The following MALRD1 variants were observed in gnomAD, a reference collection of about 807,000 sequenced individuals.
MALRD1 encodes MAM and LDL receptor class A domain containing 1.
Under a neutral mutation model 242.1 loss-of-function variants are expected in MALRD1, and 247 were observed. The ratio of observed to expected loss-of-function variants is 1.02; its 90% CI spans 0.92 to 1.13. The LOEUF (loss-of-function observed/expected upper bound fraction) is 1.13. Among genes scored for constraint, MALRD1 ranks in the 50% most tolerant of loss-of-function variants. MALRD1 has a pLI of 0.00. For synonymous variants in MALRD1, 995 were observed against 866.6 expected (o/e 1.15, Z -2.60); for missense variants, 2,989 against 2,533.1 (o/e 1.18, Z -3.86).
chr10:19,690,229 C>T (rs1842759991), intron 36 of MALRD1, among the ~76,000 whole-genome samples: 1 of 151,988 alleles, frequency 6.6e-6, no homozygotes, highest in Non-Finnish European at 1.5e-5. Context: ...TATTTTGAAA[C>T]TGCTTTTGAC....
intron 39 of MALRD1, among the ~76,000 whole-genome samples, chr10:19,731,958 G>A (rs1331481248): frequency 2.6e-5 from 4 of 152,110 alleles, no homozygotes; most frequent in African/African-American, 7.2e-5. Context: ...TGCTGTGGCC[G>A]AAGCCTAACA....
At chr10:19,356,440 A>AT (rs1301562619) in intron 26 of MALRD1, among the ~76,000 whole-genome samples, 1 of 152,126 alleles carries the variant, frequency 6.6e-6, no homozygotes, top group Non-Finnish European at 1.5e-5. Context: ...TTACTTTTAC[A>AT]TTTTCTAATA....
chr10:19,584,068 A>T (rs1837269136), intron 33 of MALRD1, among the ~76,000 whole-genome samples: 1 of 149,724 alleles, frequency 6.7e-6, no homozygotes, highest in African/African-American at 2.5e-5. Context: ...ATCGGTGGTG[A>T]TATCCCCTTT....
intron 26 of MALRD1, among the ~76,000 whole-genome samples, chr10:19,358,253 A>G (rs1044599283): frequency 2.7e-5 from 4 of 149,764 alleles, no homozygotes; most frequent in African/African-American, 9.9e-5. Context: ...CACCACAGCT[A>G]CTTCCAAACA....
chr10:19,322,872 G>A (rs1039474697), intron 21 of MALRD1, among the ~76,000 whole-genome samples: 5 of 152,080 alleles, frequency 3.3e-5, no homozygotes, highest in Non-Finnish European at 7.4e-5. Context: ...TTTAGAAAGT[G>A]GCAAGAAATC....
intron 5 of MALRD1, among the ~76,000 whole-genome samples, chr10:19,104,557 TTAAC>T (rs1836395766): frequency 6.6e-6 from 1 of 152,142 alleles, no homozygotes; most frequent in African/African-American, 2.4e-5. Context: ...TTTGATTATA[TTAAC>T]TAATATTCTA....
rs1564567579 is a variant in MALRD1, at chr10:19,719,246, A to ATATATGTG, written c.6315-11455_6315-11454insGTGTATAT. 5.4e-4 allele frequency among the ~76,000 whole-genome samples: 72 copies of ATATATGTG among 134,420 alleles called. 3 individuals are homozygous for ATATATGTG. Among genetic ancestry groups the ATATATGTG allele is most frequent in the African/African-American group, 1.8e-3 (63 of 35,204 alleles). The allele number at this position is 134,420 out of a possible 152,430, so 88.2% of individuals were successfully genotyped here. A position where few individuals can be genotyped will look rare whatever the true frequency, so the allele number is the denominator to read the frequency against. ...TACATATATATATATATATATATAT[A>ATATATGTG]TATATATATATATGCTATCAAATAT... On this transcript the variant is annotated intron_variant, in intron 38 of 39. Coordinates refer to ENST00000454679, the MANE Select transcript of MALRD1 (RefSeq NM_001142308.3).
intron 28 of MALRD1, among the ~76,000 whole-genome samples, chr10:19,445,224 T>G (rs1834900542): frequency 6.6e-6 from 1 of 152,264 alleles, no homozygotes; most frequent in Admixed American, 6.5e-5. Flanking sequence ...TTTTTCAAGG[T>G]TTTTAGCTTC....
intron 19 of MALRD1, among the ~76,000 whole-genome samples, chr10:19,261,199 AC>A (rs1409309619): frequency 1.3e-5 from 2 of 152,200 alleles, no homozygotes; most frequent in African/African-American, 4.8e-5. Context: ...TAAAACAGCT[AC>A]TAGAAGCATA....
At chr10:19,405,535 C>A (rs761154982) in intron 28 of MALRD1, among the ~76,000 whole-genome samples, 8 of 152,084 alleles carry the variant, frequency 5.3e-5, no homozygotes, top group Non-Finnish European at 1.2e-4. Flanking sequence ...GGAGGAAAAC[C>A]ACATCTCTCT....
chr10:19,660,385 G>A (rs1451913018), intron 36 of MALRD1, among the ~76,000 whole-genome samples: 1 of 152,084 alleles, frequency 6.6e-6, no homozygotes, highest in Non-Finnish European at 1.5e-5. Context: ...TGTAGACAAA[G>A]CAGTGACCAA....
At chr10:19,574,012 T>A (rs1405853119) in intron 33 of MALRD1, among the ~76,000 whole-genome samples, 1 of 152,192 alleles carries the variant, frequency 6.6e-6, no homozygotes, top group Admixed American at 6.5e-5. Context: ...GCATCCTTTT[T>A]GTCTTGACTT....
intron 12 of MALRD1, among the ~76,000 whole-genome samples, chr10:19,161,359 C>T (rs1308522115): frequency 1.5e-4 from 7 of 46,978 alleles, no homozygotes; most frequent in African/African-American, 2.7e-4. Context: ...GTGGTGGGGT[C>T]GGGGGAGGGG....
chr10:19,122,004 A>G (rs556742171), intron 5 of MALRD1, among the ~76,000 whole-genome samples: 1 of 152,344 alleles, frequency 6.6e-6, no homozygotes, highest in African/African-American at 2.4e-5. Flanking sequence ...ATGATTGTGA[A>G]CAAAGTGAAA....
chr10:19,065,113 C>T (rs1834931773), intron 1 of MALRD1, among the ~76,000 whole-genome samples: 1 of 151,362 alleles, frequency 6.6e-6, no homozygotes, highest in African/African-American at 2.4e-5. Flanking sequence ...CATGGAGAAA[C>T]CCCGTCTCTA....
At chr10:19,171,484 A>T (rs1834935352) in intron 13 of MALRD1, among the ~76,000 whole-genome samples, 2 of 142,202 alleles carry the variant, frequency 1.4e-5, no homozygotes, top group East Asian at 4.2e-4. Context: ...ACACACACAT[A>T]TATACACACA....
At chr10:19,549,908 GT>G (rs1466452604) in intron 32 of MALRD1, among the ~76,000 whole-genome samples, 2 of 152,170 alleles carry the variant, frequency 1.3e-5, no homozygotes, top group East Asian at 3.8e-4. Flanking sequence ...TGGCTAATAG[GT>G]TAAACATTGG....
chr10:19,450,291 A>G lies in MALRD1; in HGVS notation c.4846-16A>G. Reference sequence around the variant, plus strand: ...GTGTTTGATTATTTCCCTCATACAAACTTCTTTACTTTCAGACAGAGAAAG... The same window carrying G: ...GTGTTTGATTATTTCCCTCATACAAGCTTCTTTACTTTCAGACAGAGAAAG... On this transcript the variant is annotated splice_polypyrimidine_tract_variant and intron_variant, in intron 28 of 39. Transcript: ENST00000454679. 1.3e-6 allele frequency: 2 copies of G among 1,540,090 alleles called. No individual in the cohort carries two copies. Among genetic ancestry groups the G allele is most frequent in the Non-Finnish European group, 8.8e-7 (1 of 1,142,688 alleles).
At chr10:19,484,134 G>A (rs543348370) in intron 29 of MALRD1, among the ~76,000 whole-genome samples, 77 of 152,266 alleles carry the variant, frequency 5.1e-4, no homozygotes, top group African/African-American at 1.8e-3. Context: ...AGAGAAGAGA[G>A]GGAGGAGGGC....
Sources: gnomAD v4.1 joint callset for allele counts (sites outside exome capture counted in the v4.1 genomes callset) on GRCh38, gnomAD v4.1.1 for gene constraint, MANE v1.5 for transcripts, NCBI Gene and HGNC (gene_info 2026-07-23, HGNC 2026-07-21) for gene names.